WDPCP: variants seen among roughly 807,000 people sequenced by gnomAD.
WDPCP encodes WD repeat containing planar cell polarity effector, also known as WD repeat-containing and planar cell polarity effector protein fritz homolog.
WDPCP carries 71 observed loss-of-function variants against 93.1 expected under a neutral mutation model. That is an observed-to-expected ratio of 0.76 (90% CI 0.63 to 0.93). The LOEUF is 0.93. Among genes scored for constraint, WDPCP ranks in the 40% least tolerant of loss-of-function variants. The probability of loss-of-function intolerance (pLI) is 0.00; values close to 1 mark genes in which losing one functional copy is unlikely to be tolerated. For synonymous variants in WDPCP, 315 were observed against 315.0 expected (o/e 1.00, Z 0.00); for missense variants, 844 against 887.4 (o/e 0.95, Z 0.62).
chr2:63,484,102 G>A (rs1477249717), intron 6 of WDPCP, among the ~76,000 whole-genome samples: 1 of 151,970 alleles, frequency 6.6e-6, no homozygotes, highest in Non-Finnish European at 1.5e-5. Context: ...AGTCACATAT[G>A]ACTAGTGGCT....
chr2:63,752,393 T>G (rs1669897001), intron 2 of WDPCP: 2 of 764,092 alleles, frequency 2.6e-6, no homozygotes, highest in African/African-American at 1.7e-5. Context: ...TTCCACAGCT[T>G]TCCCATCCAC....
intron 17 of WDPCP, among the ~76,000 whole-genome samples, chr2:63,123,956 A>G (rs1350328306): frequency 1.3e-5 from 2 of 150,494 alleles, no homozygotes; most frequent in Non-Finnish European, 1.5e-5. Context: ...ATGTTCCTAC[A>G]TAGTCTGTTT....
chr2:63,313,884 A>ATTTTTTTTTTT (rs1165930717), intron 12 of WDPCP, among the ~76,000 whole-genome samples: 1 of 8,032 alleles, frequency 1.2e-4, no homozygotes, highest in African/African-American at 4.2e-4. Flanking sequence ...ATATATATAT[A>ATTTTTTTTTTT]TATTTTTTTT....
intron 2 of WDPCP, among the ~76,000 whole-genome samples, chr2:63,730,019 G>A (rs886152161): frequency 6.6e-6 from 1 of 152,198 alleles, no homozygotes; most frequent in Non-Finnish European, 1.5e-5. Context: ...AGGGGCATAA[G>A]TAGCTCAGTG....
Position 63,316,223 on chromosome 2 carries a change from G to A in WDPCP, c.1749-2912C>T, listed in dbSNP as rs761767267. Among the ~76,000 whole-genome samples, 17 of 152,252 alleles carry A rather than the reference G, an allele frequency of 1.1e-4. No homozygotes were observed. The Middle Eastern group carries it at 0.01, about 93-fold the overall frequency. On this transcript the variant is annotated intron_variant, in intron 12 of 17. Transcript: ENST00000272321. ...TGAAAAAGTCTAATATGACTACACA[G>A]GGAATTAAGTTAATGGCTAAGAATT...
At chr2:63,264,191 C>T (rs1379712864) in intron 13 of WDPCP, among the ~76,000 whole-genome samples, 25 of 152,216 alleles carry the variant, frequency 1.6e-4, no homozygotes, top group Admixed American at 1.6e-3. Context: ...TTTAGAATCA[C>T]TTGTCTGGAA....
intron 2 of WDPCP, among the ~76,000 whole-genome samples, chr2:63,719,477 T>C (rs1330252536): frequency 6.6e-6 from 1 of 152,208 alleles, no homozygotes. Context: ...ATGGATCTGA[T>C]GTACAAATGG....
intron 3 of WDPCP, among the ~76,000 whole-genome samples, chr2:63,598,404 C>T (rs1709358077): frequency 6.6e-6 from 1 of 152,188 alleles, no homozygotes; most frequent in Admixed American, 6.5e-5. Flanking sequence ...GCTGGGATTA[C>T]AGGTGTGAGC....
At chr2:63,203,141 C>T (rs1676051360) in intron 14 of WDPCP, among the ~76,000 whole-genome samples, 2 of 151,990 alleles carry the variant, frequency 1.3e-5, no homozygotes, top group Admixed American at 6.6e-5. Flanking sequence ...ATATAATACC[C>T]TTGGCACCTG....
intron 13 of WDPCP, among the ~76,000 whole-genome samples, chr2:63,274,963 A>G (rs778769307): frequency 3.9e-5 from 6 of 152,180 alleles, no homozygotes; most frequent in Non-Finnish European, 5.9e-5. Context: ...ACATTACCTC[A>G]ATACCAAAAC....
At chr2:63,403,459 A>C (rs1371189159) in intron 10 of WDPCP, among the ~76,000 whole-genome samples, 2 of 152,192 alleles carry the variant, frequency 1.3e-5, no homozygotes, top group Non-Finnish European at 2.9e-5. Flanking sequence ...GAAATGGGCT[A>C]TATTAATATA....
At chr2:63,674,830 A>G (rs762533061) in intron 2 of WDPCP, among the ~76,000 whole-genome samples, 1 of 152,154 alleles carries the variant, frequency 6.6e-6, no homozygotes, top group Non-Finnish European at 1.5e-5. Context: ...ATCTTGCCTC[A>G]TATTTTAGCT....
intron 2 of WDPCP, among the ~76,000 whole-genome samples, chr2:63,703,541 T>C (rs1292407656): frequency 1.3e-5 from 2 of 152,106 alleles, no homozygotes; most frequent in East Asian, 1.9e-4. Flanking sequence ...TGTCTGTTCA[T>C]ATCCTTTGCC....
chr2:63,606,216 TGCAAA>T (rs1378263636), intron 3 of WDPCP, among the ~76,000 whole-genome samples: 1 of 152,096 alleles, frequency 6.6e-6, no homozygotes, highest in East Asian at 1.9e-4. Context: ...ACCCCCTCTC[TGCAAA>T]AATAAAATAA....
At chr2:63,316,479 C>T (rs1341458255) in intron 12 of WDPCP, among the ~76,000 whole-genome samples, 1 of 151,602 alleles carries the variant, frequency 6.6e-6, no homozygotes, top group Non-Finnish European at 1.5e-5. Context: ...ATAGTAAAAC[C>T]CCACCTCTAC....
At chr2:63,213,914 T>C (rs1056360700) in intron 14 of WDPCP, among the ~76,000 whole-genome samples, 3 of 152,036 alleles carry the variant, frequency 2.0e-5, no homozygotes, top group African/African-American at 7.3e-5. Flanking sequence ...CTCCCAAGAA[T>C]ACACCAGGAG....
chr2:63,582,694 G>A (rs971122322), intron 1 of WDPCP, among the ~76,000 whole-genome samples: 1 of 151,650 alleles, frequency 6.6e-6, no homozygotes, highest in Non-Finnish European at 1.5e-5. Flanking sequence ...AGACACTTAA[G>A]TACAAATACA....
chr2:63,432,812 G>A (rs1160904143), intron 9 of WDPCP, among the ~76,000 whole-genome samples: 2 of 152,052 alleles, frequency 1.3e-5, no homozygotes, highest in South Asian at 2.1e-4. Context: ...TAAATCAATC[G>A]TTTTAAAAAT....
intron 7 of WDPCP, chr2:63,437,858 G>T (rs778510866): frequency 1.3e-6 from 2 of 1,596,338 alleles, no homozygotes; most frequent in South Asian, 1.1e-5. Context: ...AAACTATTTC[G>T]CACCTGAATG....
Sources: allele counts gnomAD v4.1 joint callset (sites outside exome capture counted in the v4.1 genomes callset), GRCh38; gene constraint gnomAD v4.1.1; transcripts MANE v1.5; gene names NCBI Gene and HGNC (gene_info 2026-07-23, HGNC 2026-07-21).